PRUNE2: variants seen among roughly 807,000 people sequenced by gnomAD.
PRUNE2 encodes prune homolog 2 with BCH domain, also known as protein prune homolog 2.
Under a neutral mutation model 252.0 loss-of-function variants are expected in PRUNE2, and 164 were observed. That is an observed-to-expected ratio of 0.65 (90% CI 0.57 to 0.74). PRUNE2 has a LOEUF of 0.74. PRUNE2 is among the 30% of genes least tolerant of loss of function. The pLI, the probability that PRUNE2 is intolerant of heterozygous loss-of-function variation, is 0.00. For missense variants in PRUNE2, 3,495 were observed against 3,711.0 expected, an observed-to-expected ratio of 0.94 and a Z score of 1.51; for synonymous variants, 1,292 against 1,350.2, an observed-to-expected ratio of 0.96 and a Z score of 0.94.
At chr9:76,808,184 A>G (rs562184041) in intron 6 of PRUNE2, among the ~76,000 whole-genome samples, 105 of 152,318 alleles carry the variant, frequency 6.9e-4, no homozygotes, top group African/African-American at 2.4e-3. Context: ...TCTGTGTCAA[A>G]AAACAAAAAC....
In PRUNE2 at chr9:76,705,070, T is replaced by C. The variant is rs2046215663; in HGVS notation, c.7204A>G (p.Thr2402Ala). ...GTTTCAGCACTCTGGGCAGGTTCTGTGAGATAAGACAAATCAAAGGGAGGT... is the reference window on the plus strand; with the variant it reads ...GTTTCAGCACTCTGGGCAGGTTCTGCGAGATAAGACAAATCAAAGGGAGGT... The part of the protein sequence containing the change: ...YTPPFDLSYL[T>A]EPAQSAETIE... Residue 2402 changes from threonine (T) to alanine (A), a missense_variant, in exon 8 of 19, where the codon ACA (threonine) becomes GCA (alanine). Coordinates refer to ENST00000376718, the MANE Select transcript of PRUNE2 (RefSeq NM_015225.3). 29 of 1,611,798 alleles carry C rather than the reference T, an allele frequency of 1.8e-5. No individual in the cohort carries two copies. The highest frequency in any genetic ancestry group is 2.5e-5 in the Non-Finnish European group (29 of 1,178,128).
At chr9:76,623,264 T>C (rs1254555181) in intron 17 of PRUNE2, among the ~76,000 whole-genome samples, 1 of 152,158 alleles carries the variant, frequency 6.6e-6, no homozygotes, top group South Asian at 2.1e-4. Flanking sequence ...GAAAATTTCT[T>C]TGTAACTTGG....
At chr9:76,730,170 A>G (rs2048441098) in intron 6 of PRUNE2, among the ~76,000 whole-genome samples, 2 of 152,258 alleles carry the variant, frequency 1.3e-5, no homozygotes, top group Non-Finnish European at 2.9e-5. Context: ...ATCCATATGT[A>G]CACACCTGTT....
At chr9:76,884,429 A>AT (rs2061972285) in intron 1 of PRUNE2, among the ~76,000 whole-genome samples, 1 of 152,194 alleles carries the variant, frequency 6.6e-6, no homozygotes, top group African/African-American at 2.4e-5. Flanking sequence ...CCAAATATGG[A>AT]TTGTATACTA....
intron 6 of PRUNE2, among the ~76,000 whole-genome samples, chr9:76,749,716 T>G (rs897469006): frequency 5.3e-5 from 8 of 152,282 alleles, no homozygotes; most frequent in African/African-American, 1.9e-4. Context: ...GTTTGGTTTG[T>G]AACACAAGGA....
In PRUNE2 at chr9:76,644,781, T is replaced by C; in HGVS notation, c.8686A>G (p.Met2896Val). 6.2e-7 allele frequency: 1 copy of C among 1,613,970 alleles called. No individual in the cohort carries two copies. Among genetic ancestry groups the C allele is most frequent in the Non-Finnish European group, 8.5e-7 (1 of 1,179,858 alleles). Residue 2896 changes from methionine (M) to valine (V), a missense_variant, in exon 12 of 19, where the codon ATG becomes GTG. Met to Val is a conservative substitution (Grantham distance 21). Coordinates refer to ENST00000376718, the MANE Select transcript of PRUNE2 (RefSeq NM_015225.3). ...VIGEQEQRID[M>V]KVIEPYRRVI... ...CTCCTGTAGGGCTCGATGACCTTCA[T>C]GTCAATGCGCTGCTCTTGTTCTCCA...
intron 9 of PRUNE2, among the ~76,000 whole-genome samples, chr9:76,689,726 G>A (rs954415006): frequency 1.3e-5 from 2 of 152,248 alleles, no homozygotes; most frequent in East Asian, 3.9e-4. Flanking sequence ...CCTGAGTTCT[G>A]ATCCCAGCCA....
intron 6 of PRUNE2, among the ~76,000 whole-genome samples, chr9:76,734,884 G>A (rs937679987): frequency 6.6e-6 from 1 of 152,180 alleles, no homozygotes; most frequent in African/African-American, 2.4e-5. Context: ...TCTGAGACAC[G>A]GAGATCTAGG....
chr9:76,799,019 T>C (rs1440395542), intron 6 of PRUNE2, among the ~76,000 whole-genome samples: 4 of 152,336 alleles, frequency 2.6e-5, no homozygotes, highest in Non-Finnish European at 5.9e-5. Context: ...AGGCTTCTTA[T>C]GTGGGACAAT....
At chr9:76,900,813 G>A (rs1022628946) in intron 1 of PRUNE2, among the ~76,000 whole-genome samples, 1 of 152,040 alleles carries the variant, frequency 6.6e-6, no homozygotes, top group East Asian at 1.9e-4. Context: ...GGAGGGGTAG[G>A]TTCCCTCTAC....
intron 6 of PRUNE2, chr9:76,783,900 T>C (rs567247885): frequency 1.3e-5 from 2 of 152,342 alleles, no homozygotes; most frequent in African/African-American, 4.8e-5. Context: ...AAGTGCTTTA[T>C]AAAGCACTCA....
Position 76,637,500 on chromosome 9 carries a change from C to T in PRUNE2, c.8881G>A (p.Val2961Met). The T allele has an allele frequency of 6.2e-7, 1 of 1,613,280 alleles. No individual in the cohort carries two copies. Among genetic ancestry groups the T allele is most frequent in the Non-Finnish European group, 8.5e-7 (1 of 1,179,424 alleles). ...CTTGGGGTTGCACCATTCAAGTACA[C>T]AATCATATAGTCTTCAGCTACCATC... Reference protein sequence around the residue: ...ELMVAEDYMIVYLNGATPRRR... With the variant: ...ELMVAEDYMIMYLNGATPRRR... The change falls in exon 14 of 19, where the codon GTG (valine) becomes ATG (methionine). Residue 2961 changes from valine (V) to methionine (M), a missense_variant. By Grantham distance (21) the Val-to-Met change is conservative (BLOSUM62 1). Transcript: ENST00000376718.
At chr9:76,858,111 G>A (rs1263291656) in intron 1 of PRUNE2, among the ~76,000 whole-genome samples, 1 of 152,148 alleles carries the variant, frequency 6.6e-6, no homozygotes, top group Non-Finnish European at 1.5e-5. Flanking sequence ...AATGATAAAT[G>A]TACAGTTTCA....
intron 1 of PRUNE2, among the ~76,000 whole-genome samples, chr9:76,882,063 T>A (rs902059663): frequency 6.6e-6 from 1 of 152,166 alleles, no homozygotes; most frequent in Non-Finnish European, 1.5e-5. Flanking sequence ...ATTTTTAATT[T>A]ATTAATCTTC....
chr9:76,896,913 C>A (rs771519584), intron 1 of PRUNE2, among the ~76,000 whole-genome samples: 2 of 152,196 alleles, frequency 1.3e-5, no homozygotes, highest in African/African-American at 4.8e-5. Context: ...TAACATTTCA[C>A]CAAATGATGC....
intron 1 of PRUNE2, among the ~76,000 whole-genome samples, chr9:76,866,422 C>T (rs1047422641): frequency 4.6e-5 from 7 of 152,040 alleles, no homozygotes; most frequent in Non-Finnish European, 4.4e-5. Flanking sequence ...GTGTTTTTTG[C>T]GATATTTTGT....
chr9:76,687,633 G>A (rs1188644282), intron 9 of PRUNE2: 1 of 423,988 alleles, frequency 2.4e-6, no homozygotes, highest in Admixed American at 2.5e-5. Flanking sequence ...CTCACTGTTT[G>A]TTTCTCAGGC....
chr9:76,822,878 A>C (rs186935954), intron 6 of PRUNE2, among the ~76,000 whole-genome samples: 17 of 152,326 alleles, frequency 1.1e-4, no homozygotes, highest in African/African-American at 4.1e-4. Flanking sequence ...TATAGAGCAT[A>C]TTTCATCTCC....
At chr9:76,881,456 C>G (rs1474815349) in intron 1 of PRUNE2, among the ~76,000 whole-genome samples, 1 of 152,088 alleles carries the variant, frequency 6.6e-6, no homozygotes, top group Non-Finnish European at 1.5e-5. Context: ...TTAAAGTGAA[C>G]AATTCAATGG....
Sources: gnomAD v4.1 joint callset for allele counts (sites outside exome capture counted in the v4.1 genomes callset) on GRCh38, gnomAD v4.1.1 for gene constraint, MANE v1.5 for transcripts, NCBI Gene and HGNC (gene_info 2026-07-23, HGNC 2026-07-21) for gene names.